ATRNL1: variants seen among roughly 807,000 people sequenced by gnomAD.
ATRNL1 encodes attractin like 1, also known as attractin-like protein 1.
Under a neutral mutation model 182.7 loss-of-function variants are expected in ATRNL1, and 95 were observed. The ratio of observed to expected loss-of-function variants is 0.52; its 90% CI spans 0.44 to 0.62. The LOEUF is 0.62. Among genes scored for constraint, ATRNL1 ranks in the 20% least tolerant of loss-of-function variants. The pLI, the probability that ATRNL1 is intolerant of heterozygous loss-of-function variation, is 0.00. For missense variants in ATRNL1, 1,471 were observed against 1,679.5 expected, an observed-to-expected ratio of 0.88 and a Z score of 2.17; for synonymous variants, 576 against 568.3, an observed-to-expected ratio of 1.01 and a Z score of -0.19.
chr10:115,597,623 C>T lies in ATRNL1; in HGVS notation c.3795+48087C>T, dbSNP rs1407010497. 8 of 416,200 alleles carry T rather than the reference C, an allele frequency of 1.9e-5. 1 individual carries two copies. The highest frequency in any genetic ancestry group is 1.1e-4 in the South Asian group (7 of 61,302). 25.8% of individuals were successfully genotyped at this position (416,200 alleles called of 1,614,324 possible). On this transcript the variant is annotated intron_variant, in intron 26 of 28. Coordinates refer to ENST00000355044, the MANE Select transcript of ATRNL1 (RefSeq NM_207303.4). ...GTCACACTCTTGTCACCCAGGCTGG[C>T]GTGCAGTGTGGGGATCTCAGCTCAC...
At chr10:115,859,217 T>G (rs1376217265) in intron 28 of ATRNL1, among the ~76,000 whole-genome samples, 1 of 152,064 alleles carries the variant, frequency 6.6e-6, no homozygotes, top group East Asian at 1.9e-4. Flanking sequence ...TGGTAGAAGG[T>G]GGGGCACAAA....
At chr10:115,728,612 T>C (rs1175401556) in intron 27 of ATRNL1, among the ~76,000 whole-genome samples, 1 of 152,174 alleles carries the variant, frequency 6.6e-6, no homozygotes, top group African/African-American at 2.4e-5. Context: ...AGATTCTGTC[T>C]GTAGCATTTT....
chr10:115,167,537 G>A (rs12357741), intron 7 of ATRNL1, among the ~76,000 whole-genome samples: 43,502 of 151,666 alleles, frequency 0.29, 8,065 homozygotes, highest in Non-Finnish European at 0.41. Context: ...CACTTGTTTG[G>A]TTTTCATTTT....
intron 25 of ATRNL1, among the ~76,000 whole-genome samples, chr10:115,520,811 A>G (rs1850889273): frequency 6.6e-6 from 1 of 152,040 alleles, no homozygotes; most frequent in Non-Finnish European, 1.5e-5. Context: ...TCATTTTTCT[A>G]CTTCTCTTGA....
intron 27 of ATRNL1, among the ~76,000 whole-genome samples, chr10:115,817,829 A>G (rs1284162862): frequency 2.7e-5 from 4 of 148,716 alleles, no homozygotes; most frequent in African/African-American, 9.9e-5. Flanking sequence ...GACATAGGCT[A>G]CTTTCCCAAA....
At chr10:115,096,251 A>G (rs1554863094) in intron 1 of ATRNL1, among the ~76,000 whole-genome samples, 2 of 152,202 alleles carry the variant, frequency 1.3e-5, no homozygotes, top group Admixed American at 6.5e-5. Flanking sequence ...TCTGTGGAAT[A>G]CAAGCTATTA....
At chr10:115,486,069 A>G (rs1592724399) in intron 24 of ATRNL1, among the ~76,000 whole-genome samples, 1 of 152,132 alleles carries the variant, frequency 6.6e-6, no homozygotes, top group Non-Finnish European at 1.5e-5. Flanking sequence ...TGCAAAGGAC[A>G]TGAACTCATC....
chr10:115,600,601 C>T (rs10787582), intron 26 of ATRNL1, among the ~76,000 whole-genome samples: 74,997 of 151,756 alleles, frequency 0.49, 19,449 homozygotes, highest in African/African-American at 0.6. Context: ...GAGATGTAAA[C>T]GGTTCTTATA....
intron 18 of ATRNL1, among the ~76,000 whole-genome samples, chr10:115,320,265 A>C (rs1368888160): frequency 6.6e-6 from 1 of 152,008 alleles, no homozygotes; most frequent in Non-Finnish European, 1.5e-5. Context: ...GAGGTCCACT[A>C]TTAGTCTGTT....
At chr10:115,178,988 C>G (rs2144145355) in intron 8 of ATRNL1, among the ~76,000 whole-genome samples, 2 of 151,784 alleles carry the variant, frequency 1.3e-5, no homozygotes, top group East Asian at 3.9e-4. Context: ...CAACATATCT[C>G]CTGTGTGTAT....
At chr10:115,328,204 A>C (rs1855019342) in intron 18 of ATRNL1, among the ~76,000 whole-genome samples, 1 of 152,148 alleles carries the variant, frequency 6.6e-6, no homozygotes, top group Non-Finnish European at 1.5e-5. Context: ...ATTATAGACA[A>C]TTGGTAATAC....
chr10:115,328,595 C>T (rs1855042376), intron 18 of ATRNL1, among the ~76,000 whole-genome samples: 1 of 152,062 alleles, frequency 6.6e-6, no homozygotes, highest in Non-Finnish European at 1.5e-5. Flanking sequence ...CCTATTCTCT[C>T]CAGTTTCTTG....
At chr10:115,774,777 T>A (rs1162974129) in intron 27 of ATRNL1, among the ~76,000 whole-genome samples, 1 of 152,106 alleles carries the variant, frequency 6.6e-6, no homozygotes, top group Non-Finnish European at 1.5e-5. Context: ...CCCCAGAATA[T>A]TTTGTCTTAT....
At chr10:115,369,348 G>A (rs1362158488) in intron 19 of ATRNL1, among the ~76,000 whole-genome samples, 1 of 151,744 alleles carries the variant, frequency 6.6e-6, no homozygotes, top group Non-Finnish European at 1.5e-5. Context: ...TCTGTGAAGG[G>A]GATAGGATTC....
chr10:115,941,987 T>G (rs1272448761), intron 28 of ATRNL1, among the ~76,000 whole-genome samples: 1 of 152,214 alleles, frequency 6.6e-6, no homozygotes, highest in Non-Finnish European at 1.5e-5. Context: ...AGGATGATAT[T>G]TAATATCCTG....
chr10:115,278,229 T>C (rs782377495), intron 13 of ATRNL1, among the ~76,000 whole-genome samples: 7 of 152,256 alleles, frequency 4.6e-5, no homozygotes, highest in Non-Finnish European at 1.0e-4. Flanking sequence ...AGATGGTGCC[T>C]GTTTAAAATT....
intron 27 of ATRNL1, among the ~76,000 whole-genome samples, chr10:115,733,670 G>C (rs1947865832): frequency 6.6e-6 from 1 of 152,104 alleles, no homozygotes; most frequent in African/African-American, 2.4e-5. Context: ...CCTCATTCCT[G>C]TCCTGCCATA....
chr10:115,775,586 A>G (rs1949102604), intron 27 of ATRNL1, among the ~76,000 whole-genome samples: 2 of 152,318 alleles, frequency 1.3e-5, no homozygotes, highest in East Asian at 1.9e-4. Context: ...ACTTCAAAAT[A>G]TATAATAAAT....
At chr10:115,549,937 C>T (rs1393419254) in intron 26 of ATRNL1, among the ~76,000 whole-genome samples, 1 of 151,670 alleles carries the variant, frequency 6.6e-6, no homozygotes, top group Non-Finnish European at 1.5e-5. Context: ...AATATTTTAT[C>T]TCCTAGAAAT....
Sources: allele counts gnomAD v4.1 joint callset (sites outside exome capture counted in the v4.1 genomes callset), GRCh38; gene constraint gnomAD v4.1.1; transcripts MANE v1.5; gene names NCBI Gene and HGNC (gene_info 2026-07-23, HGNC 2026-07-21).